The following MEF2A variants were observed in gnomAD, a reference collection of about 807,000 sequenced individuals.
MEF2A encodes myocyte enhancer factor 2A, also known as myocyte-specific enhancer factor 2A.
Under a neutral mutation model 55.8 loss-of-function variants are expected in MEF2A, and 28 were observed. That is an observed-to-expected ratio of 0.50 (90% confidence interval 0.37 to 0.69). MEF2A has a LOEUF of 0.69. Ranked by LOEUF, MEF2A falls within the 30% of genes least tolerant of loss-of-function variation. The pLI is 0.00. For synonymous variants in MEF2A, 239 were observed against 227.1 expected (o/e 1.05, Z -0.47); for missense variants, 528 against 626.2 (o/e 0.84, Z 1.67).
intron 1 of MEF2A, among the ~76,000 whole-genome samples, chr15:99,593,238 G>T: frequency 6.6e-6 from 1 of 152,046 alleles, no homozygotes; most frequent in East Asian, 1.9e-4. Flanking sequence ...TCTGTCTCTT[G>T]TACTCCGTGA....
chr15:99,599,908 A>G (rs1312267252), intron 2 of MEF2A, among the ~76,000 whole-genome samples: 1 of 152,174 alleles, frequency 6.6e-6, no homozygotes, highest in Non-Finnish European at 1.5e-5. Flanking sequence ...ATTAGATATT[A>G]TAAATATTCT....
chr15:99,608,302 A>G (rs182312139), intron 2 of MEF2A, among the ~76,000 whole-genome samples: 31 of 152,306 alleles, frequency 2.0e-4, no homozygotes, highest in Admixed American at 5.2e-4. Flanking sequence ...TATATTTGCT[A>G]TTCATTGTAT....
At chr15:99,615,121 G>A (rs189937155) in intron 2 of MEF2A, among the ~76,000 whole-genome samples, 4 of 152,318 alleles carry the variant, frequency 2.6e-5, no homozygotes, top group Non-Finnish European at 5.9e-5. Flanking sequence ...GTGAACAGTG[G>A]CTGGTACAGA....
chr15:99,598,218 A>G (rs536551079), intron 1 of MEF2A, among the ~76,000 whole-genome samples: 4 of 152,336 alleles, frequency 2.6e-5, no homozygotes, highest in Admixed American at 2.6e-4. Context: ...CTTCCTGAAG[A>G]AAAAGGATTC....
At chr15:99,706,204 T>C (rs1361311257) in intron 9 of MEF2A, among the ~76,000 whole-genome samples, 1 of 152,214 alleles carries the variant, frequency 6.6e-6, no homozygotes, top group Non-Finnish European at 1.5e-5. Context: ...TGTTAAAAAA[T>C]AGGTCAACTG....
At chr15:99,565,953 CT>C (rs1959176020), upstream of MEF2A, 1 of 152,256 alleles carries the variant, frequency 6.6e-6, no homozygotes, top group South Asian at 2.1e-4. Context: ...CTGGCCGAGG[CT>C]TGTCTCCTAA....
chr15:99,626,659 A>G (rs1284810708), intron 2 of MEF2A, among the ~76,000 whole-genome samples: 1 of 152,144 alleles, frequency 6.6e-6, no homozygotes, highest in Non-Finnish European at 1.5e-5. Flanking sequence ...CAGCTTATCA[A>G]TTTCCACATA....
At chr15:99,569,353 C>T (rs566690882) in intron 1 of MEF2A, among the ~76,000 whole-genome samples, 1 of 152,308 alleles carries the variant, frequency 6.6e-6, no homozygotes, top group African/African-American at 2.4e-5. Flanking sequence ...TATGTAGGTA[C>T]CCTGCCCAGT....
intron 4 of MEF2A, among the ~76,000 whole-genome samples, chr15:99,655,131 A>G (rs2153536953): frequency 6.6e-6 from 1 of 152,274 alleles, no homozygotes; most frequent in East Asian, 1.9e-4. Context: ...TTACTACAAA[A>G]CTAAAGTAAT....
At position 99,714,510 on chromosome 15, in the gene MEF2A, C is replaced by G. The variant is rs1169417907; in HGVS notation, c.*1739C>G. The G allele has an allele frequency of 6.6e-6, 1 of 152,144 alleles. No homozygotes were observed. Among genetic ancestry groups the G allele is most frequent in the Non-Finnish European group, 1.5e-5 (1 of 68,044 alleles). 9.4% of individuals were successfully genotyped at this position (152,144 alleles called of 1,614,324 possible). A position where few individuals can be genotyped will look rare whatever the true frequency, so the allele number is the denominator to read the frequency against. ...GCTTTGGTATGCGGGGAGAAACACT[C>G]TTAGGGTGCTGGTCCTTGGCATGAC... On this transcript the variant is annotated 3_prime_UTR_variant, in exon 12 of 12. Coordinates refer to ENST00000557942, the MANE Select transcript of MEF2A (RefSeq NM_001319206.4).
At chr15:99,635,937 G>A (rs1022276416) in intron 3 of MEF2A, among the ~76,000 whole-genome samples, 6 of 152,120 alleles carry the variant, frequency 3.9e-5, no homozygotes, top group Non-Finnish European at 2.9e-5. Flanking sequence ...TAGGAGTGCG[G>A]TTGCTGAGTC....
intron 2 of MEF2A, among the ~76,000 whole-genome samples, chr15:99,604,634 T>A (rs532436892): frequency 2.6e-5 from 4 of 152,258 alleles, no homozygotes; most frequent in Non-Finnish European, 5.9e-5. Flanking sequence ...GGCCACATTT[T>A]TTTGCCTCTT....
rs1242902927 is a variant in MEF2A, at chr15:99,690,323, A to C, written c.753A>C (p.Thr251=). Residue 251 remains threonine, a synonymous_variant, in exon 8 of 12, where the codon ACA becomes ACC. Transcript: ENST00000557942. ...GANSLGKVMP[T]KSPPPPGGGN... ...ATAGCTTAGGCAAAGTCATGCCTAC[A>C]AAGTCTCCCCCTCCACCAGGTGGTG... 6 of 1,613,544 alleles carry C rather than the reference A, an allele frequency of 3.7e-6. No homozygotes were observed. The highest frequency in any genetic ancestry group is 2.2e-5 in the East Asian group (1 of 44,896).
At chr15:99,666,889 G>A (rs1227784032) in intron 4 of MEF2A, among the ~76,000 whole-genome samples, 2 of 152,094 alleles carry the variant, frequency 1.3e-5, no homozygotes, top group African/African-American at 2.4e-5. Flanking sequence ...GTTTTAGACA[G>A]TTAACATTCT....
intron 8 of MEF2A, among the ~76,000 whole-genome samples, chr15:99,697,488 AAAGG>A (rs1299205821): frequency 6.7e-6 from 1 of 149,548 alleles, no homozygotes; most frequent in Non-Finnish European, 1.5e-5. Flanking sequence ...CACCCCAAAT[AAAGG>A]AAGGAAAAGA....
At position 99,632,989 on chromosome 15, in the gene MEF2A, A is replaced by C. The variant is rs747995374; in HGVS notation, c.-131A>C. ...GTGTTTTCTTTTAGATCTTGTAGAA[A>C]ATTTCAGCTGTAGCCCTTGGACTAG... On this transcript the variant is annotated 5_prime_UTR_variant, in exon 3 of 12. Transcript: ENST00000557942. The C allele has an allele frequency of 6.3e-6, 4 of 638,756 alleles. No individual in the cohort carries two copies. Among genetic ancestry groups the C allele is most frequent in the Non-Finnish European group, 1.1e-5 (4 of 377,240 alleles). The allele number at this position is 638,756 out of a possible 1,614,324, so 39.6% of individuals were successfully genotyped here.
intron 3 of MEF2A, among the ~76,000 whole-genome samples, chr15:99,634,207 A>G (rs1429054366): frequency 6.6e-6 from 1 of 152,180 alleles, no homozygotes; most frequent in Non-Finnish European, 1.5e-5. Context: ...AATTGGAGAT[A>G]AAACTCAACT....
intron 7 of MEF2A, among the ~76,000 whole-genome samples, chr15:99,679,828 A>T (rs1017327833): frequency 2.0e-5 from 3 of 152,268 alleles, no homozygotes; most frequent in Non-Finnish European, 4.4e-5. Flanking sequence ...GAACTATAAC[A>T]ACAAATATAA....
chr15:99,623,554 T>C (rs1430956528), intron 2 of MEF2A, among the ~76,000 whole-genome samples: 1 of 152,224 alleles, frequency 6.6e-6, no homozygotes, highest in Admixed American at 6.5e-5. Flanking sequence ...ACACCCATGC[T>C]AGTGCTTGCT....
Sources: gnomAD v4.1 joint callset for allele counts (sites outside exome capture counted in the v4.1 genomes callset) on GRCh38, gnomAD v4.1.1 for gene constraint, MANE v1.5 for transcripts, NCBI Gene and HGNC (gene_info 2026-07-23, HGNC 2026-07-21) for gene names.